Variants in SAMD4A observed in about 807,000 individuals in gnomAD.
SAMD4A encodes the protein protein Smaug homolog 1.
In SAMD4A, 33 loss-of-function variants were observed where a neutral mutation model predicts 81.3. The ratio of observed to expected loss-of-function variants is 0.41; its 90% confidence interval spans 0.31 to 0.54. SAMD4A has a LOEUF of 0.54. SAMD4A is among the 20% of genes least tolerant of loss of function. The pLI is 0.37. For synonymous variants in SAMD4A, 389 were observed against 382.1 expected (o/e 1.02, Z -0.21); for missense variants, 854 against 951.1 (o/e 0.90, Z 1.34).
chr14:54,685,529 C>T, intron 2 of SAMD4A: 1 of 365,644 alleles, frequency 2.7e-6, no homozygotes, highest in East Asian at 7.4e-5. Context: ...GTTGCTTCCA[C>T]CTTATGACTT....
chr14:54,571,706 T>A (rs2033133746), intron 2 of SAMD4A, among the ~76,000 whole-genome samples: 1 of 152,158 alleles, frequency 6.6e-6, no homozygotes, highest in South Asian at 2.1e-4. Context: ...GACAAAAAAA[T>A]AATTGTGGAG....
chr14:54,565,350 C>G (rs1198256553), upstream of SAMD4A, among the ~76,000 whole-genome samples: 1 of 152,260 alleles, frequency 6.6e-6, no homozygotes, highest in Admixed American at 6.5e-5. This position sits in a 1 kb window ranked among gnomAD's most constrained non-coding sequence, Gnocchi z 5.4. Context: ...CACAGCTCCC[C>G]CGACCGGTCT....
chr14:54,619,603 T>C (rs1217001352), intron 2 of SAMD4A, among the ~76,000 whole-genome samples: 2 of 152,334 alleles, frequency 1.3e-5, no homozygotes, highest in Admixed American at 6.5e-5. Flanking sequence ...TTTTGTTATA[T>C]AGGCCTTGTG....
At chr14:54,767,240 C>T (rs2038572195) in intron 8 of SAMD4A, among the ~76,000 whole-genome samples, 1 of 152,210 alleles carries the variant, frequency 6.6e-6, no homozygotes, top group South Asian at 2.1e-4. Flanking sequence ...GCACAGCCTC[C>T]ATCCTGGAAG....
At chr14:54,743,701 C>A (rs2037898952) in intron 4 of SAMD4A, among the ~76,000 whole-genome samples, 1 of 152,202 alleles carries the variant, frequency 6.6e-6, no homozygotes, top group African/African-American at 2.4e-5. Context: ...TCTCACCTTC[C>A]AGGACCCATA....
intron 12 of SAMD4A, among the ~76,000 whole-genome samples, chr14:54,785,734 C>A (rs1212738698): frequency 6.6e-6 from 1 of 152,210 alleles, no homozygotes; most frequent in Non-Finnish European, 1.5e-5. Context: ...TCTGCAAACA[C>A]AATCTTATCC....
intron 2 of SAMD4A, among the ~76,000 whole-genome samples, chr14:54,696,269 T>G (rs2036575948): frequency 6.6e-6 from 1 of 152,234 alleles, no homozygotes; most frequent in African/African-American, 2.4e-5. Flanking sequence ...GAAAAATATC[T>G]CTACAAATAA....
At chr14:54,643,161 C>T (rs557303928) in intron 2 of SAMD4A, among the ~76,000 whole-genome samples, 64 of 152,348 alleles carry the variant, frequency 4.2e-4, no homozygotes, top group Non-Finnish European at 7.1e-4. Context: ...GCTTCAAGCA[C>T]GCCATCTGCT....
chr14:54,755,791 A>G (rs567419746), intron 6 of SAMD4A, among the ~76,000 whole-genome samples: 1 of 152,318 alleles, frequency 6.6e-6, no homozygotes, highest in Non-Finnish European at 1.5e-5. Flanking sequence ...ACTGGAGCAG[A>G]ATTTTCAACA....
At chr14:54,623,468 T>A (rs1594746152) in intron 2 of SAMD4A, among the ~76,000 whole-genome samples, 1 of 35,310 alleles carries the variant, frequency 2.8e-5, no homozygotes. Flanking sequence ...TGTTAATAAA[T>A]AACTTGGACA....
intron 2 of SAMD4A, among the ~76,000 whole-genome samples, chr14:54,663,171 TAAAC>T (rs2035682044): frequency 1.3e-5 from 2 of 152,298 alleles, no homozygotes; most frequent in South Asian, 4.1e-4. Context: ...AAATTATAAA[TAAAC>T]AAAATGTAAG....
At chr14:54,635,365 C>T (rs2035010642) in intron 2 of SAMD4A, among the ~76,000 whole-genome samples, 8 of 151,836 alleles carry the variant, frequency 5.3e-5, no homozygotes, top group Admixed American at 5.2e-4. Context: ...GCGGAGGTTG[C>T]AGTGAGCTGA....
At chr14:54,638,687 T>C (rs761868193) in intron 2 of SAMD4A, among the ~76,000 whole-genome samples, 17 of 152,232 alleles carry the variant, frequency 1.1e-4, no homozygotes, top group Non-Finnish European at 1.9e-4. Flanking sequence ...CTCTAGGAGA[T>C]TAAGCCAGTC....
At chr14:54,784,497 T>G in intron 11 of SAMD4A, 40 bp from the exon 12 acceptor site, 1 of 1,613,436 alleles carries the variant, frequency 6.2e-7, no homozygotes, top group Non-Finnish European at 8.5e-7. Flanking sequence ...ACCCTGCTTA[T>G]CTCCTCCTTG....
At chr14:54,663,312 T>C (rs1225770626) in intron 2 of SAMD4A, among the ~76,000 whole-genome samples, 1 of 152,220 alleles carries the variant, frequency 6.6e-6, no homozygotes, top group East Asian at 1.9e-4. Context: ...CAAGTATTTT[T>C]ATCCAAGCCC....
At chr14:54,736,904 C>G (rs1052769581) in intron 3 of SAMD4A, 120 bp from the exon 4 acceptor site, 80 of 1,170,462 alleles carry the variant, frequency 6.8e-5, no homozygotes, top group Non-Finnish European at 9.6e-5. Flanking sequence ...CTGCTGTGAC[C>G]ATGGATGGAG....
In SAMD4A at chr14:54,776,508, C is replaced by A; in HGVS notation, c.2012C>A (p.Ser671Tyr). ...QRTRSLPVHT[S>Y]PQNMLMFQQP... ...ACCCGCTCGCTGCCCGTGCACACTT[C>A]CCCACAGAACATGCTGATGTTCCAG... Residue 671 changes from serine to tyrosine, a missense_variant, in exon 11 of 13, where the codon TCC becomes TAC. By Grantham distance (144) the Ser-to-Tyr change is moderately radical (BLOSUM62 -2). Transcript: ENST00000554335. The A allele has an allele frequency of 6.3e-7, 1 of 1,587,706 alleles. No homozygotes were observed. Among genetic ancestry groups the A allele is most frequent in the Admixed American group, 1.8e-5 (1 of 56,096 alleles).
At chr14:54,759,939 G>A (rs1362541022) in intron 6 of SAMD4A, among the ~76,000 whole-genome samples, 1 of 152,158 alleles carries the variant, frequency 6.6e-6, no homozygotes, top group African/African-American at 2.4e-5. Context: ...TTTTCCGGTG[G>A]TGTGTATTTT....
chr14:54,625,586 A>C (rs1443219476), intron 2 of SAMD4A, among the ~76,000 whole-genome samples: 3 of 152,236 alleles, frequency 2.0e-5, no homozygotes, highest in Admixed American at 2.0e-4. Context: ...TACAAAATGT[A>C]ATGTTAAATC....
Sources: gnomAD v4.1 joint callset for allele counts (sites outside exome capture counted in the v4.1 genomes callset) on GRCh38, gnomAD v4.1.1 for gene constraint, Gnocchi (gnomAD v3.1) non-coding constraint, MANE v1.5 for transcripts, NCBI Gene and HGNC (gene_info 2026-07-23, HGNC 2026-07-21) for gene names.